The following ICA1 variants were observed in gnomAD, a reference collection of about 807,000 sequenced individuals.
The protein encoded by ICA1 is 69 kDa islet cell autoantigen.
In ICA1, 40 loss-of-function variants were observed where a neutral mutation model predicts 71.0. That is an observed-to-expected ratio of 0.56 (90% CI 0.44 to 0.73). The LOEUF (loss-of-function observed/expected upper bound fraction) is 0.73, where lower values mean the gene tolerates loss of function less well. Ranked by LOEUF, ICA1 falls within the 30% of genes least tolerant of loss-of-function variation. The pLI, the probability that ICA1 is intolerant of heterozygous loss-of-function variation, is 0.00. For missense variants in ICA1, 578 were observed against 576.5 expected, an observed-to-expected ratio of 1.00 and a Z score of -0.03; for synonymous variants, 207 against 209.5, an observed-to-expected ratio of 0.99 and a Z score of 0.10.
intron 12 of ICA1, among the ~76,000 whole-genome samples, chr7:8,135,762 G>C (rs940103177): frequency 3.3e-5 from 5 of 152,312 alleles, no homozygotes; most frequent in African/African-American, 1.2e-4. Context: ...ATTTTATTTA[G>C]AATATAGACA....
intron 6 of ICA1, among the ~76,000 whole-genome samples, chr7:8,212,091 C>T (rs2128385379): frequency 6.6e-6 from 1 of 152,274 alleles, no homozygotes; most frequent in Admixed American, 6.5e-5. Flanking sequence ...AATAATTATG[C>T]ATGAAACATT....
intron 12 of ICA1, among the ~76,000 whole-genome samples, chr7:8,131,378 T>C (rs1464743968): frequency 6.6e-6 from 1 of 152,214 alleles, no homozygotes; most frequent in Non-Finnish European, 1.5e-5. Context: ...TCAGAAAACT[T>C]TTTACTAATA....
At chr7:8,122,144 T>A (rs143463042) in intron 13 of ICA1, among the ~76,000 whole-genome samples, 1,790 of 152,222 alleles carry the variant, frequency 0.012, 30 homozygotes, top group African/African-American at 0.041. Flanking sequence ...AGGGAGAGCA[T>A]GTGCCAAGAC....
chr7:8,224,812 A>G (rs1435197087), intron 4 of ICA1, among the ~76,000 whole-genome samples: 1 of 152,212 alleles, frequency 6.6e-6, no homozygotes, highest in Admixed American at 6.5e-5. Flanking sequence ...TGACTTTGAC[A>G]TATTTTAAGA....
At chr7:8,255,471 A>G (rs1053495755) in intron 1 of ICA1, among the ~76,000 whole-genome samples, 1 of 152,100 alleles carries the variant, frequency 6.6e-6, no homozygotes, top group African/African-American at 2.4e-5. Context: ...TAAGGTTCCA[A>G]GCTTGGAACT....
chr7:8,186,579 A>C (rs1467074204), intron 6 of ICA1, among the ~76,000 whole-genome samples: 1 of 152,172 alleles, frequency 6.6e-6, no homozygotes, highest in African/African-American at 2.4e-5. Context: ...GATGACAGAG[A>C]GATTTCCAGG....
rs55971486 is a variant in ICA1 at position 8,145,764 on chromosome 7, A to ATATATATATATATATATATATATATG, written c.805-1793_805-1792insCATATATATATATATATATATATATA. Among the ~76,000 whole-genome samples, 130 of 136,270 alleles carry ATATATATATATATATATATATATATG rather than the reference A, an allele frequency of 9.5e-4. 4 individuals carry two copies. Among genetic ancestry groups the ATATATATATATATATATATATATATG allele is most frequent in the South Asian group, 7.9e-3 (34 of 4,280 alleles). 89.4% of individuals were successfully genotyped at this position (136,270 alleles called of 152,430 possible). On this transcript the variant is annotated intron_variant, in intron 8 of 13. Transcript: ENST00000402384. ...AATCATTGTGTATATATATATATATATATGTATATAAAATATATAGAGAGA... is the reference window on the plus strand; with the variant it reads ...AATCATTGTGTATATATATATATATATATATATATATATATATATATATATGTATGTATATAAAATATATAGAGAGA...
rs1410274507 is a variant in ICA1 at position 8,234,395 on chromosome 7, G to T, written c.17+1515C>A. ...TGGACCTAGAGTCCCTGCCCCAAAG[G>T]CTCCCCTGACCCCCCCAGGCAACTC... On this transcript the variant is annotated intron_variant, in intron 2 of 13. Coordinates refer to ENST00000402384, the MANE Select transcript of ICA1 (RefSeq NM_001136020.3). This position sits in a 1 kb window ranked among gnomAD's most constrained non-coding sequence, Gnocchi z 4.5. 6.6e-6 allele frequency among the ~76,000 whole-genome samples: 1 copy of T among 151,960 alleles called. No homozygotes were observed. Among genetic ancestry groups the T allele is most frequent in the African/African-American group, 2.4e-5 (1 of 41,344 alleles).
intron 6 of ICA1, among the ~76,000 whole-genome samples, chr7:8,195,401 G>C (rs1040820627): frequency 3.9e-5 from 6 of 152,014 alleles, no homozygotes; most frequent in African/African-American, 1.4e-4. Context: ...AATTAGCCGG[G>C]TGTGGTGGCG....
At chr7:8,197,423 C>T (rs1037432158) in intron 6 of ICA1, among the ~76,000 whole-genome samples, 10 of 150,872 alleles carry the variant, frequency 6.6e-5, no homozygotes, top group East Asian at 1.9e-4. Context: ...CATGGCGGTG[C>T]GTGCCTGTAG....
intron 12 of ICA1, among the ~76,000 whole-genome samples, chr7:8,128,836 T>C (rs6973579): frequency 0.75 from 113,540 of 152,132 alleles, 42,619 homozygotes; most frequent in East Asian, 0.94. Context: ...GGCGTTGAAG[T>C]GAGCACCGGA....
intron 6 of ICA1, among the ~76,000 whole-genome samples, chr7:8,171,898 A>AT (rs1363460803): frequency 2.6e-5 from 4 of 151,914 alleles, no homozygotes; most frequent in Non-Finnish European, 5.9e-5. Context: ...TGAATTTCCA[A>AT]TTATTCAGGG....
At chr7:8,162,651 T>C (rs1441320220) in intron 6 of ICA1, among the ~76,000 whole-genome samples, 5 of 152,220 alleles carry the variant, frequency 3.3e-5, no homozygotes, top group African/African-American at 9.6e-5. Flanking sequence ...GGAGCTCCTG[T>C]GGTTTTGAAG....
At chr7:8,218,566 A>C in intron 5 of ICA1, 63 bp from the exon 6 acceptor site, 1 of 1,349,034 alleles carries the variant, frequency 7.4e-7, no homozygotes. Context: ...AATCCTTGAC[A>C]TTCTGCCAAT....
At chr7:8,171,061 T>C (rs962677583) in intron 6 of ICA1, among the ~76,000 whole-genome samples, 2 of 151,914 alleles carry the variant, frequency 1.3e-5, no homozygotes, top group Admixed American at 1.3e-4. Context: ...TGATAATAAT[T>C]TTTCTTGTCT....
Position 8,226,759 on chromosome 7 carries a change from G to A in ICA1, c.256+1842C>T, listed in dbSNP as rs1447430232. ...TCTACCATCCACAGCCAGCTCTGCT[G>A]GCACAACCAGGTGACTGCTTCAACG... On this transcript the variant is annotated intron_variant, in intron 4 of 13. Transcript: ENST00000402384. This position sits in a 1 kb window ranked among gnomAD's most constrained non-coding sequence, Gnocchi z 4.4. Among the ~76,000 whole-genome samples the A allele has an allele frequency of 6.6e-6, 1 of 152,194 alleles. No homozygotes were observed. The highest frequency in any genetic ancestry group is 2.4e-5 in the African/African-American group (1 of 41,450).
intron 6 of ICA1, among the ~76,000 whole-genome samples, chr7:8,202,280 G>A (rs981270475): frequency 2.0e-5 from 3 of 152,094 alleles, no homozygotes; most frequent in Admixed American, 1.3e-4. Flanking sequence ...CTTCCACCTG[G>A]CCCTGACATG....
chr7:8,141,933 ACG>A (rs1491145599), intron 9 of ICA1, 116 bp from the exon 10 acceptor site: 13 of 1,360,620 alleles, frequency 9.6e-6, no homozygotes, highest in Non-Finnish European at 1.1e-5. Context: ...CACCACACAC[ACG>A]CACACGAAGA....
At chr7:8,262,453 G>A (rs928392465), upstream of ICA1, 4 of 152,252 alleles carry the variant, frequency 2.6e-5, no homozygotes, top group African/African-American at 9.7e-5. Context: ...GCTTGGGGAG[G>A]GTCGGGGACT....
Sources: allele counts gnomAD v4.1 joint callset (sites outside exome capture counted in the v4.1 genomes callset), GRCh38; gene constraint gnomAD v4.1.1; non-coding constraint Gnocchi (gnomAD v3.1); transcripts MANE v1.5; gene names NCBI Gene and HGNC (gene_info 2026-07-23, HGNC 2026-07-21).